HSD17B12: variants seen among roughly 807,000 people sequenced by gnomAD.
HSD17B12 encodes the protein very-long-chain 3-oxoacyl-CoA reductase.
In HSD17B12, 32 loss-of-function variants were observed where a neutral mutation model predicts 39.3. The observed-to-expected ratio is 0.81, with a 90% CI of 0.61 to 1.09. The LOEUF (loss-of-function observed/expected upper bound fraction) is 1.09. Among genes scored for constraint, HSD17B12 ranks in the 50% least tolerant of loss-of-function variants. HSD17B12 has a pLI of 0.00. For missense variants in HSD17B12, 342 were observed against 382.9 expected (o/e 0.89, Z 0.89); for synonymous variants, 150 against 146.7 (o/e 1.02, Z -0.16).
chr11:43,619,169 A>ATATATATATTT, the HSD17B12 span, among the ~76,000 whole-genome samples: 1 of 78,208 alleles, frequency 1.3e-5, no homozygotes, highest in Non-Finnish European at 2.9e-5. Flanking sequence ...TATATGATAT[A>ATATATATATTT]TATATATATA....
At chr11:43,564,305 G>A in the HSD17B12 span, among the ~76,000 whole-genome samples, 6 of 152,200 alleles carry the variant, frequency 3.9e-5, no homozygotes, top group Non-Finnish European at 7.3e-5. Context: ...CCTCAGGTCT[G>A]GGGCAGGATT....
the HSD17B12 span, among the ~76,000 whole-genome samples, chr11:43,606,189 T>C: frequency 2.0e-5 from 3 of 152,234 alleles, no homozygotes; most frequent in African/African-American, 7.2e-5. Context: ...ATTTAATCAA[T>C]TTAATCTACT....
the HSD17B12 span, among the ~76,000 whole-genome samples, chr11:43,565,675 T>C: frequency 3.3e-5 from 5 of 152,252 alleles, no homozygotes; most frequent in Admixed American, 6.5e-5. Context: ...GTCAGTCTTA[T>C]AGCTCATTCC....
chr11:43,624,384 C>T, the HSD17B12 span, among the ~76,000 whole-genome samples: 1 of 152,030 alleles, frequency 6.6e-6, no homozygotes, highest in East Asian at 1.9e-4. Context: ...ATTCTGAAGA[C>T]TAACTTTCTA....
chr11:43,632,159 T>C, the HSD17B12 span, among the ~76,000 whole-genome samples: 1 of 152,262 alleles, frequency 6.6e-6, no homozygotes, highest in African/African-American at 2.4e-5. Flanking sequence ...GAGGTCTTTG[T>C]CATCTATTTA....
At chr11:43,659,679 C>T in the HSD17B12 span, among the ~76,000 whole-genome samples, 2 of 152,086 alleles carry the variant, frequency 1.3e-5, no homozygotes, top group African/African-American at 4.8e-5. Context: ...GCAAGCTACA[C>T]AAAAGGAAGA....
In HSD17B12 at chr11:43,764,762, C is replaced by T. The variant is rs558805299; in HGVS notation, c.283+10641C>T. Among the ~76,000 whole-genome samples the T allele has an allele frequency of 3.9e-5, 6 of 152,204 alleles. No homozygotes were observed. In the South Asian group the frequency reaches 6.2e-4, roughly 16 times the overall value. On this transcript the variant is annotated intron_variant, in intron 3 of 10. Transcript: ENST00000278353. ...CTAGCTTTCTTTTGATTAGTGTTAG[C>T]ATGGCATTTCTTTTTCCTTTAATCT...
chr11:43,854,170 T>G (rs1951559764), intron 9 of HSD17B12: 1 of 152,282 alleles, frequency 6.6e-6, no homozygotes, highest in African/African-American at 2.4e-5. Context: ...TCAATAAAAT[T>G]GTTTATAAAA....
chr11:43,714,768 C>T (rs1273086721), intron 1 of HSD17B12, among the ~76,000 whole-genome samples: 1 of 152,128 alleles, frequency 6.6e-6, no homozygotes, highest in Non-Finnish European at 1.5e-5. Flanking sequence ...ATGGAACGTT[C>T]TTCCATTTGT....
chr11:43,568,737 A>G, the HSD17B12 span, among the ~76,000 whole-genome samples: 7 of 152,192 alleles, frequency 4.6e-5, no homozygotes, highest in Non-Finnish European at 1.0e-4. Context: ...CTCTCAGCTT[A>G]AGTTCTGACT....
chr11:43,750,814 C>A, intron 1 of HSD17B12, 97 bp from the exon 2 acceptor site: 1 of 753,316 alleles, frequency 1.3e-6, no homozygotes, highest in Non-Finnish European at 2.2e-6. Context: ...ATCAAAGTGT[C>A]ACACTGGTCC....
chr11:43,658,561 A>G, the HSD17B12 span, among the ~76,000 whole-genome samples: 8,617 of 152,186 alleles, frequency 0.057, 408 homozygotes, highest in Non-Finnish European at 0.081. Context: ...TGACATACAG[A>G]TGGGTTTTTG....
chr11:43,786,860 T>C (rs1950819513), intron 3 of HSD17B12, among the ~76,000 whole-genome samples: 1 of 152,238 alleles, frequency 6.6e-6, no homozygotes, highest in Admixed American at 6.5e-5. Flanking sequence ...TTATTACTCC[T>C]GTCTTGTTGG....
intron 3 of HSD17B12, among the ~76,000 whole-genome samples, chr11:43,757,860 A>G (rs927637078): frequency 1.3e-5 from 2 of 152,074 alleles, no homozygotes; most frequent in Admixed American, 1.3e-4. Context: ...AAGGGCTAGA[A>G]TAACGGCCTG....
chr11:43,619,258 A>ATATATATATATAAAATATATATATT, the HSD17B12 span, among the ~76,000 whole-genome samples: 31 of 82,522 alleles, frequency 3.8e-4, no homozygotes, highest in Non-Finnish European at 7.2e-4. Context: ...ATATATATAT[A>ATATATATATATAAAATATATATATT]TTTTATATAT....
At chr11:43,741,772 C>A (rs867666770) in intron 1 of HSD17B12, among the ~76,000 whole-genome samples, 1 of 129,836 alleles carries the variant, frequency 7.7e-6, no homozygotes, top group Non-Finnish European at 1.6e-5. Context: ...CTCGCTTTGT[C>A]GCCCAGGCTG....
intron 1 of HSD17B12, among the ~76,000 whole-genome samples, chr11:43,689,929 A>G (rs1387685205): frequency 1.3e-5 from 2 of 152,030 alleles, no homozygotes; most frequent in Non-Finnish European, 2.9e-5. Flanking sequence ...CGTTCCACCC[A>G]CATACACCTC....
At chr11:43,841,223 T>C (rs561617264) in intron 9 of HSD17B12, among the ~76,000 whole-genome samples, 24 of 152,268 alleles carry the variant, frequency 1.6e-4, no homozygotes, top group Admixed American at 5.2e-4. Context: ...TTTAATAAAA[T>C]CGTGTTGTTT....
chr11:43,739,009 T>G (rs574844793), intron 1 of HSD17B12, among the ~76,000 whole-genome samples: 203 of 152,358 alleles, frequency 1.3e-3, no homozygotes, highest in African/African-American at 4.7e-3. Context: ...AAGTCCTGAT[T>G]GGTGAGCAAC....
Sources: gnomAD v4.1 joint callset for allele counts (sites outside exome capture counted in the v4.1 genomes callset) on GRCh38, gnomAD v4.1.1 for gene constraint, MANE v1.5 for transcripts, NCBI Gene and HGNC (gene_info 2026-07-23, HGNC 2026-07-21) for gene names.